The following FOXK1 variants were observed in gnomAD, a reference collection of about 807,000 sequenced individuals.
FOXK1 encodes the protein forkhead box protein K1.
Under a neutral mutation model 51.9 loss-of-function variants are expected in FOXK1, and 19 were observed. The observed-to-expected ratio is 0.37, with a 90% CI of 0.26 to 0.54. The LOEUF (loss-of-function observed/expected upper bound fraction) is 0.54, where lower values mean the gene tolerates loss of function less well. FOXK1 is among the 20% of genes least tolerant of loss of function. The pLI, the probability that FOXK1 is intolerant of heterozygous loss-of-function variation, is 0.87. For synonymous variants in FOXK1, 537 were observed against 482.6 expected (o/e 1.11, Z -1.48); for missense variants, 870 against 1,032.7 (o/e 0.84, Z 2.16).
At position 4,735,648 on chromosome 7, in the gene FOXK1, G is replaced by A. The variant is rs150408343; in HGVS notation, c.561-5190G>A. 5.3e-5 allele frequency among the ~76,000 whole-genome samples: 8 copies of A among 152,264 alleles called. No homozygotes were observed. Among genetic ancestry groups the A allele is most frequent in the East Asian group, 1.9e-4 (1 of 5,170 alleles). ...GAACCTTTCCGCCGGGCTGGTGGAC[G>A]GAGATTTCTACTCTGTGGACACACT... On this transcript the variant is annotated intron_variant, in intron 1 of 8. Transcript: ENST00000328914. The surrounding 1 kb of genome is among the most constrained non-coding windows in gnomAD (Gnocchi z 4.7).
chr7:4,709,231 G>GCATCCCCACCCTGT lies in FOXK1; in HGVS notation c.560+26370_560+26383dup, dbSNP rs530324468. Among the ~76,000 whole-genome samples, 30 of 152,224 alleles carry GCATCCCCACCCTGT rather than the reference G, an allele frequency of 2.0e-4. No homozygotes were observed. In the South Asian group the frequency reaches 6.2e-3, roughly 32 times the overall value. ...CCTTACCCACGCTATTTGCTGCCTGGCATCCCCACCCTGTCATCCCGAGAA... is the reference window on the plus strand; with the variant it reads ...CCTTACCCACGCTATTTGCTGCCTGGCATCCCCACCCTGTCATCCCCACCCTGTCATCCCGAGAA... On this transcript the variant is annotated intron_variant, in intron 1 of 8. Transcript: ENST00000328914. This position sits in a 1 kb window ranked among gnomAD's most constrained non-coding sequence, Gnocchi z 5.6.
chr7:4,756,874 G>A lies in FOXK1; in HGVS notation c.1051-120G>A, dbSNP rs911533185. The A allele has an allele frequency of 9.0e-5, 95 of 1,059,882 alleles. No individual in the cohort carries two copies. The highest frequency in any genetic ancestry group is 1.2e-4 in the Non-Finnish European group (86 of 733,054). The allele number at this position is 1,059,882 out of a possible 1,614,324, so 65.7% of individuals were successfully genotyped here. A position where few individuals can be genotyped will look rare whatever the true frequency, so the allele number is the denominator to read the frequency against. Reference sequence around the variant, plus strand: ...GAGGCCCAGCCAGCACAGCACCAAGGGCTCTGCACAGAGGGACGGCCTCCC... The same window carrying A: ...GAGGCCCAGCCAGCACAGCACCAAGAGCTCTGCACAGAGGGACGGCCTCCC... On this transcript the variant is annotated intron_variant, in intron 4 of 8. Coordinates refer to ENST00000328914, the MANE Select transcript of FOXK1 (RefSeq NM_001037165.2). This position sits in a 1 kb window ranked among gnomAD's most constrained non-coding sequence, Gnocchi z 4.1.
chr7:4,720,346 T>C (rs1407267167), intron 1 of FOXK1, among the ~76,000 whole-genome samples: 2 of 152,188 alleles, frequency 1.3e-5, no homozygotes, highest in African/African-American at 4.8e-5. Flanking sequence ...GCTTTTGTTA[T>C]GTATGGTCTA....
chr7:4,712,851 G>A (rs548666202), intron 1 of FOXK1, among the ~76,000 whole-genome samples: 1 of 152,334 alleles, frequency 6.6e-6, no homozygotes, highest in Non-Finnish European at 1.5e-5. Context: ...GGATGGAGTG[G>A]TAGGGGATGA....
chr7:4,761,526 G>A lies in FOXK1; in HGVS notation c.1921+238G>A, dbSNP rs1419036747. Among the ~76,000 whole-genome samples the A allele has an allele frequency of 1.3e-5, 2 of 152,100 alleles. No homozygotes were observed. The highest frequency in any genetic ancestry group is 2.4e-5 in the African/African-American group (1 of 41,422). On this transcript the variant is annotated intron_variant, in intron 8 of 8. Transcript: ENST00000328914. The surrounding 1 kb of genome is among the most constrained non-coding windows in gnomAD (Gnocchi z 6.2). ...GCAGATCGCTTGAGCTCAGGAGTTC[G>A]AGACCAGCCCGGGCAACATAGCAAG...
rs189396383 is a variant in FOXK1, at chr7:4,761,404, T to C, written c.1921+116T>C. On this transcript the variant is annotated intron_variant, in intron 8 of 8. Coordinates refer to ENST00000328914, the MANE Select transcript of FOXK1 (RefSeq NM_001037165.2). This position sits in a 1 kb window ranked among gnomAD's most constrained non-coding sequence, Gnocchi z 6.2. ...CCGATCCTCCACTCAGTTCAATTTA[T>C]TGAGCACCTGCTATACTCCAGGCAC... 473 of 1,056,950 alleles carry C rather than the reference T, an allele frequency of 4.5e-4. 2 individuals are homozygous for C. Among genetic ancestry groups the C allele is most frequent in the Middle Eastern group, 8.4e-4 (3 of 3,586 alleles). 65.5% of individuals were successfully genotyped at this position (1,056,950 alleles called of 1,614,324 possible). A position where few individuals can be genotyped will look rare whatever the true frequency, so the allele number is the denominator to read the frequency against.
chr7:4,706,000 ATACG>A (rs369487215), intron 1 of FOXK1, among the ~76,000 whole-genome samples: 1,284 of 104,794 alleles, frequency 0.012, 117 homozygotes, highest in African/African-American at 0.063. Flanking sequence ...ATACGTATAT[ATACG>A]TATATATACG....
intron 1 of FOXK1, among the ~76,000 whole-genome samples, chr7:4,696,352 G>T (rs1198446250): frequency 6.6e-6 from 1 of 152,094 alleles, no homozygotes; most frequent in Admixed American, 6.6e-5. Context: ...GCTGTGGGTG[G>T]ATTACAGGTG....
At chr7:4,725,661 A>G (rs1431272692) in intron 1 of FOXK1, among the ~76,000 whole-genome samples, 1 of 152,250 alleles carries the variant, frequency 6.6e-6, no homozygotes, top group Non-Finnish European at 1.5e-5. Flanking sequence ...ACTGCTTGGC[A>G]GTGGACACAC....
In FOXK1 at chr7:4,730,428, G is replaced by C. The variant is rs955843744; in HGVS notation, c.561-10410G>C. ...GGGTTGTGGCATGGACCCAAAAGTG[G>C]AGTCACGGTTGCAGCTCTGGTTCCT... On this transcript the variant is annotated intron_variant, in intron 1 of 8. Transcript: ENST00000328914. The surrounding 1 kb of genome is among the most constrained non-coding windows in gnomAD (Gnocchi z 4.7). Among the ~76,000 whole-genome samples, 2 of 152,238 alleles carry C rather than the reference G, an allele frequency of 1.3e-5. No individual in the cohort carries two copies. The highest frequency in any genetic ancestry group is 4.8e-5 in the African/African-American group (2 of 41,462).
Position 4,761,328 on chromosome 7 carries a change from T to C in FOXK1, c.1921+40T>C, listed in dbSNP as rs1780930184. On this transcript the variant is annotated intron_variant, in intron 8 of 8. Transcript: ENST00000328914. This position sits in a 1 kb window ranked among gnomAD's most constrained non-coding sequence, Gnocchi z 6.2. ...CTGTTCTCCATGCCACATCCCAAGC[T>C]CTGTGGCTCCCAGTAGTCAGTGCGG... The C allele has an allele frequency of 1.9e-6, 3 of 1,574,358 alleles. No individual in the cohort carries two copies. The East Asian group carries it at 6.8e-5, about 36-fold the overall frequency.
chr7:4,726,015 C>CTT (rs397728478), intron 1 of FOXK1, among the ~76,000 whole-genome samples: 39 of 147,992 alleles, frequency 2.6e-4, no homozygotes, highest in African/African-American at 2.7e-4. Context: ...ACAAACAGAA[C>CTT]TTTTTTTTTT....
In FOXK1 at chr7:4,754,620, G is replaced by A. The variant is rs544000213; in HGVS notation, c.903+5G>A. 1.2e-6 allele frequency: 2 copies of A among 1,601,386 alleles called. No homozygotes were observed. The highest frequency in any genetic ancestry group is 1.7e-6 in the Non-Finnish European group (2 of 1,179,316). On this transcript the variant is annotated splice_donor_5th_base_variant and intron_variant, in intron 3 of 8. Coordinates refer to ENST00000328914, the MANE Select transcript of FOXK1 (RefSeq NM_001037165.2). ...TCTGGAGGAGACAGCCCCAAGGTCT[G>A]AGCCCACCTGGCGCCGTGGTGCACC...
rs1780220968 is a variant in FOXK1 at position 4,715,355 on chromosome 7, C to T, written c.561-25483C>T. Among the ~76,000 whole-genome samples the T allele has an allele frequency of 6.6e-6, 1 of 152,118 alleles. No homozygotes were observed. Among genetic ancestry groups the T allele is most frequent in the Non-Finnish European group, 1.5e-5 (1 of 68,016 alleles). ...GCCGATAGGATCAAGCCCAAGTGTT[C>T]AGGGCGCTCAGCTGTGGGTGGCCCG... is the stretch of plus-strand genomic sequence containing the variant. On this transcript the variant is annotated intron_variant, in intron 1 of 8. Transcript: ENST00000328914. The surrounding 1 kb of genome is among the most constrained non-coding windows in gnomAD (Gnocchi z 4.5).
intron 1 of FOXK1, among the ~76,000 whole-genome samples, chr7:4,684,194 CT>C (rs1173513418): frequency 6.6e-6 from 1 of 152,178 alleles, no homozygotes; most frequent in South Asian, 2.1e-4. Flanking sequence ...GAGCCACTTT[CT>C]TTTTCTATTT....
intron 1 of FOXK1, among the ~76,000 whole-genome samples, chr7:4,702,890 C>T (rs1353845522): frequency 6.6e-6 from 1 of 152,184 alleles, no homozygotes; most frequent in Non-Finnish European, 1.5e-5. Flanking sequence ...AAGCTTGTGT[C>T]CCTCTGGGTG....
intron 1 of FOXK1, among the ~76,000 whole-genome samples, chr7:4,713,925 A>G (rs540379874): frequency 5.0e-4 from 74 of 149,170 alleles, no homozygotes; most frequent in South Asian, 1.5e-3. Flanking sequence ...TCCCGAGTTC[A>G]CGTGATTTCT....
chr7:4,755,182 G>C lies in FOXK1; in HGVS notation c.904-55G>C. ...CCCCATCAGCTGTGACGGGTGGGTG[G>C]GGTAGACTCAGGGACCTTGCTGGAG... On this transcript the variant is annotated intron_variant, in intron 3 of 8. Transcript: ENST00000328914. The surrounding 1 kb of genome is among the most constrained non-coding windows in gnomAD (Gnocchi z 6.6). 1 of 1,593,768 alleles carries C rather than the reference G, an allele frequency of 6.3e-7. No homozygotes were observed. Among genetic ancestry groups the C allele is most frequent in the Non-Finnish European group, 8.6e-7 (1 of 1,166,634 alleles).
chr7:4,701,114 C>T (rs1057386397), intron 1 of FOXK1, among the ~76,000 whole-genome samples: 1 of 152,216 alleles, frequency 6.6e-6, no homozygotes, highest in Non-Finnish European at 1.5e-5. Flanking sequence ...TAGGCAGCAT[C>T]TTGCACTGGC....
Sources: allele counts gnomAD v4.1 joint callset (sites outside exome capture counted in the v4.1 genomes callset), GRCh38; gene constraint gnomAD v4.1.1; non-coding constraint Gnocchi (gnomAD v3.1); transcripts MANE v1.5; gene names NCBI Gene and HGNC (gene_info 2026-07-23, HGNC 2026-07-21).